C2orf49: variants seen among roughly 807,000 people sequenced by gnomAD.
C2orf49 encodes the protein tRNA splicing ligase complex subunit 2.
C2orf49 carries 11 observed loss-of-function variants against 20.6 expected under a neutral mutation model. That is an observed-to-expected ratio of 0.53 (90% CI 0.34 to 0.88). The LOEUF is 0.88. Ranked by LOEUF, C2orf49 falls within the 40% of genes least tolerant of loss-of-function variation. C2orf49 has a pLI of 0.02. For missense variants in C2orf49, 289 were observed against 274.2 expected, an observed-to-expected ratio of 1.05 and a Z score of -0.38; for synonymous variants, 134 against 108.5, an observed-to-expected ratio of 1.24 and a Z score of -1.46.
chr2:105,384,664 C>T, the C2orf49 span, among the ~76,000 whole-genome samples: 1,391 of 152,304 alleles, frequency 9.1e-3, 28 homozygotes, highest in African/African-American at 0.031. Flanking sequence ...TGCACCACCA[C>T]GCCCAGCTAA....
chr2:105,348,894 A>T lies in C2orf49; in HGVS notation c.*3523A>T, dbSNP rs543955699. ...ACTTTCTATACCTGGATTGATTAAG[A>T]TCAGATGTGATTCGAGTAGTCCAGC... On this transcript the variant is annotated 3_prime_UTR_variant, in exon 4 of 4. Transcript: ENST00000258457. 6.6e-6 allele frequency: 1 copy of T among 152,266 alleles called. No homozygotes were observed. The highest frequency in any genetic ancestry group is 1.9e-4 in the East Asian group (1 of 5,186). The allele number at this position is 152,266 out of a possible 1,614,324, so 9.4% of individuals were successfully genotyped here.
the C2orf49 span, among the ~76,000 whole-genome samples, chr2:105,377,537 A>C: frequency 6.6e-6 from 1 of 152,186 alleles, no homozygotes; most frequent in South Asian, 2.1e-4. Context: ...AGGCTGAGGC[A>C]GGAGAATCTT....
chr2:105,377,824 G>A, the C2orf49 span: 9 of 343,236 alleles, frequency 2.6e-5, no homozygotes, highest in East Asian at 1.5e-4. Flanking sequence ...AGGAGTAGGC[G>A]CCAGGGAGAG....
chr2:105,350,547 GTGT>G (rs1293127929), downstream of C2orf49, among the ~76,000 whole-genome samples: 1 of 152,180 alleles, frequency 6.6e-6, no homozygotes, highest in South Asian at 2.1e-4. Flanking sequence ...AATTAGCCAA[GTGT>G]TGTTTTCTTT....
rs879523251 is a variant in C2orf49 at position 105,345,963 on chromosome 2, C to CAAAAAAAAA, written c.*596_*604dup. ...GGGCAACAAGAGCGAAACTCCATCT[C>CAAAAAAAAA]AAAAAAAAAAAAGCATTCAGTGAAT... On this transcript the variant is annotated 3_prime_UTR_variant, in exon 4 of 4. Coordinates refer to ENST00000258457, the MANE Select transcript of C2orf49 (RefSeq NM_024093.3). 7.4e-6 allele frequency: 1 copy of CAAAAAAAAA among 135,156 alleles called. No individual in the cohort carries two copies. The allele number at this position is 135,156 out of a possible 1,614,324, so 8.4% of individuals were successfully genotyped here. A position where few individuals can be genotyped will look rare whatever the true frequency, so the allele number is the denominator to read the frequency against.
At chr2:105,340,632 A>G (rs1052708397) in intron 2 of C2orf49, among the ~76,000 whole-genome samples, 2 of 152,234 alleles carry the variant, frequency 1.3e-5, no homozygotes, top group African/African-American at 4.8e-5. Flanking sequence ...GCTATTTAAA[A>G]TTATTTAATT....
the C2orf49 span, among the ~76,000 whole-genome samples, chr2:105,371,093 C>G: frequency 9.9e-5 from 15 of 152,146 alleles, no homozygotes; most frequent in Non-Finnish European, 2.2e-4. Flanking sequence ...CTTATCTGAT[C>G]ATGTTTTTCT....
chr2:105,385,613 T>G, the C2orf49 span, among the ~76,000 whole-genome samples: 4 of 152,212 alleles, frequency 2.6e-5, no homozygotes, highest in African/African-American at 9.6e-5. Flanking sequence ...GGGGTTTCAC[T>G]GGAGTGTTTT....
At chr2:105,363,700 TG>T in the C2orf49 span, among the ~76,000 whole-genome samples, 2 of 152,196 alleles carry the variant, frequency 1.3e-5, no homozygotes, top group African/African-American at 4.8e-5. Flanking sequence ...AGCTTGGGGT[TG>T]CCCTCAGCCC....
the C2orf49 span, chr2:105,367,734 G>C: frequency 6.2e-7 from 1 of 1,613,424 alleles, no homozygotes; most frequent in South Asian, 1.1e-5. Context: ...TCCATCTTGC[G>C]GGTACCTGTC....
chr2:105,379,958 G>A, the C2orf49 span, among the ~76,000 whole-genome samples: 1,563 of 152,266 alleles, frequency 0.01, 22 homozygotes, highest in African/African-American at 0.036. Flanking sequence ...ATTATGCCAC[G>A]GGGTTTCCCT....
At chr2:105,367,744 C>A in the C2orf49 span, 1 of 1,612,502 alleles carries the variant, frequency 6.2e-7, no homozygotes, top group South Asian at 1.1e-5. Flanking sequence ...GGGTACCTGT[C>A]ATCAGGGTCA....
rs766629624 is a variant in C2orf49, at chr2:105,343,015, C to T, written c.434C>T (p.Ser145Phe). ...TSNAFRKLSN[S>F]SSSVSPLILS... ...AATGCCTTTAGAAAATTATCAAATTCCTCTTCGAGTGTTTCACCCCTAATT... is the reference window on the plus strand; with the variant it reads ...AATGCCTTTAGAAAATTATCAAATTTCTCTTCGAGTGTTTCACCCCTAATT... The change falls in exon 3 of 4, where the codon TCC (serine) becomes TTC (phenylalanine). Residue 145 changes from serine (S) to phenylalanine (F), a missense_variant. Physicochemically the swap from Ser to Phe is radical, Grantham distance 155. Coordinates refer to ENST00000258457, the MANE Select transcript of C2orf49 (RefSeq NM_024093.3). 147 of 1,614,070 alleles carry T rather than the reference C, an allele frequency of 9.1e-5. No homozygotes were observed. The highest frequency in any genetic ancestry group is 2.2e-4 in the Admixed American group (13 of 60,002).
the C2orf49 span, among the ~76,000 whole-genome samples, chr2:105,365,868 A>C: frequency 6.6e-6 from 1 of 151,990 alleles, no homozygotes; most frequent in African/African-American, 2.4e-5. Flanking sequence ...CAGAAGCATA[A>C]AAGGAGAGGA....
At chr2:105,338,770 G>C (rs528497130) in intron 1 of C2orf49, among the ~76,000 whole-genome samples, 1 of 152,268 alleles carries the variant, frequency 6.6e-6, no homozygotes, top group Admixed American at 6.5e-5. Context: ...TAGGCTTGTC[G>C]GTGGTACTAA....
downstream of C2orf49, among the ~76,000 whole-genome samples, chr2:105,353,374 G>T (rs374806715): frequency 5.3e-5 from 8 of 152,150 alleles, no homozygotes; most frequent in African/African-American, 1.9e-4. Context: ...GATGAAGTCA[G>T]TCTGCTCTTA....
chr2:105,367,602 G>T, the C2orf49 span: 1 of 1,614,152 alleles, frequency 6.2e-7, no homozygotes, highest in Non-Finnish European at 8.5e-7. Flanking sequence ...ATGGCATGTT[G>T]TTTCTCATAG....
At chr2:105,378,509 T>A in the C2orf49 span, 1 of 194,472 alleles carries the variant, frequency 5.1e-6, no homozygotes, top group East Asian at 1.5e-4. Context: ...CACCTGAAAG[T>A]GCTCCCCATC....
At chr2:105,361,313 G>A in the C2orf49 span, 2 of 1,614,096 alleles carry the variant, frequency 1.2e-6, no homozygotes, top group Non-Finnish European at 1.7e-6. Flanking sequence ...CGGGGCACAG[G>A]ATGTCGTCCC....
Sources: gnomAD v4.1 joint callset for allele counts (sites outside exome capture counted in the v4.1 genomes callset) on GRCh38, gnomAD v4.1.1 for gene constraint, MANE v1.5 for transcripts, NCBI Gene and HGNC (gene_info 2026-07-23, HGNC 2026-07-21) for gene names.